SLC26A7: variants seen among roughly 807,000 people sequenced by gnomAD.
The protein encoded by SLC26A7 is solute carrier family 26 member 7.
SLC26A7 carries 59 observed loss-of-function variants against 82.5 expected under a neutral mutation model. The ratio of observed to expected loss-of-function variants is 0.72; its 90% CI spans 0.58 to 0.89. SLC26A7 has a LOEUF of 0.89. SLC26A7 is among the 40% of genes least tolerant of loss of function. The probability of loss-of-function intolerance (pLI) is 0.00; values close to 1 mark genes in which losing one functional copy is unlikely to be tolerated. For missense variants in SLC26A7, 820 were observed against 793.0 expected (o/e 1.03, Z -0.41); for synonymous variants, 271 against 274.3 (o/e 0.99, Z 0.12).
At chr8:91,233,606 A>G (rs1810345082) in intron 2 of SLC26A7, among the ~76,000 whole-genome samples, 1 of 152,014 alleles carries the variant, frequency 6.6e-6, no homozygotes, top group South Asian at 2.1e-4. Context: ...AAGAAAAAGA[A>G]AAAGAAAACG....
chr8:91,356,386 A>C (rs1243017133), intron 11 of SLC26A7, among the ~76,000 whole-genome samples: 1 of 151,540 alleles, frequency 6.6e-6, no homozygotes, highest in Non-Finnish European at 1.5e-5. Flanking sequence ...CCTCTCCAGC[A>C]CCTGTTGTTT....
chr8:91,346,789 C>T (rs1813575310), intron 9 of SLC26A7, among the ~76,000 whole-genome samples: 1 of 152,156 alleles, frequency 6.6e-6, no homozygotes, highest in African/African-American at 2.4e-5. Flanking sequence ...TCCTCTTGGC[C>T]TGTTCTCCAC....
At chr8:91,279,137 A>ATATATATATATATATATATATG (rs1811492810) in intron 2 of SLC26A7, among the ~76,000 whole-genome samples, 2 of 100,390 alleles carry the variant, frequency 2.0e-5, no homozygotes, top group Non-Finnish European at 4.1e-5. Flanking sequence ...ATATATATAT[A>ATATATATATATATATATATATG]TATATATATA....
chr8:91,363,359 T>C (rs1472714660), intron 12 of SLC26A7, 113 bp from the exon 13 acceptor site: 3 of 596,082 alleles, frequency 5.0e-6, no homozygotes, highest in Admixed American at 3.4e-5. Context: ...AGTTATAGGA[T>C]ATAAATCATC....
At chr8:91,359,391 G>A (rs1813982189) in intron 11 of SLC26A7, among the ~76,000 whole-genome samples, 1 of 152,324 alleles carries the variant, frequency 6.6e-6, no homozygotes, top group Non-Finnish European at 1.5e-5. Context: ...TTGGAGGAAG[G>A]ACAGATTCTG....
chr8:91,310,259 A>G lies in SLC26A7; in HGVS notation c.478-7957A>G, dbSNP rs139467147. Among the ~76,000 whole-genome samples, 1,313 of 152,220 alleles carry G rather than the reference A, an allele frequency of 8.6e-3. 10 individuals carry two copies. Among genetic ancestry groups the G allele is most frequent in the South Asian group, 0.028 (136 of 4,810 alleles). ...CCGCCAACAGGCGTCAAAGACCCCA[A>G]TTTTTTTGGAGAAAATGGAGAAAAG... On this transcript the variant is annotated intron_variant, in intron 4 of 18. Transcript: ENST00000276609.
At chr8:91,325,163 T>C (rs1812898893) in intron 5 of SLC26A7, among the ~76,000 whole-genome samples, 1 of 152,198 alleles carries the variant, frequency 6.6e-6, no homozygotes, top group Non-Finnish European at 1.5e-5. Context: ...CTGTGTGGTC[T>C]TAAGCAATTT....
intron 15 of SLC26A7, among the ~76,000 whole-genome samples, chr8:91,372,348 G>T (rs1479158723): frequency 6.6e-6 from 1 of 151,962 alleles, no homozygotes; most frequent in Non-Finnish European, 1.5e-5. Flanking sequence ...TTTTCTTCTA[G>T]AATTTTTATA....
At chr8:91,273,459 C>A (rs549695447) in intron 2 of SLC26A7, among the ~76,000 whole-genome samples, 40 of 152,108 alleles carry the variant, frequency 2.6e-4, no homozygotes, top group Non-Finnish European at 4.3e-4. Flanking sequence ...AAGATATGGT[C>A]TGTGAATATC....
At chr8:91,250,492 T>C (rs1810628809) in intron 2 of SLC26A7, among the ~76,000 whole-genome samples, 1 of 152,136 alleles carries the variant, frequency 6.6e-6, no homozygotes, top group Non-Finnish European at 1.5e-5. Flanking sequence ...ATTCTGGATT[T>C]AGATAGGTGT....
intron 2 of SLC26A7, among the ~76,000 whole-genome samples, chr8:91,275,047 C>T (rs560714504): frequency 3.9e-5 from 6 of 152,178 alleles, no homozygotes; most frequent in East Asian, 1.9e-4. Flanking sequence ...GCATATATTC[C>T]GTCTCTCTTC....
intron 3 of SLC26A7, among the ~76,000 whole-genome samples, chr8:91,293,381 A>T (rs780122511): frequency 6.6e-6 from 1 of 152,254 alleles, no homozygotes; most frequent in Non-Finnish European, 1.5e-5. Context: ...CAAAGAAGAG[A>T]CCTATAAATA....
chr8:91,383,900 C>T (rs1297723865), intron 15 of SLC26A7, among the ~76,000 whole-genome samples: 1 of 152,158 alleles, frequency 6.6e-6, no homozygotes, highest in Non-Finnish European at 1.5e-5. Context: ...TATTGAACAT[C>T]TAATAAATCC....
intron 15 of SLC26A7, among the ~76,000 whole-genome samples, chr8:91,381,756 C>T (rs1318444643): frequency 6.6e-6 from 1 of 152,132 alleles, no homozygotes; most frequent in East Asian, 1.9e-4. Flanking sequence ...TCTTATCTCT[C>T]TCTCTTGTTC....
chr8:91,359,939 TATC>T (rs1322939686), intron 11 of SLC26A7, among the ~76,000 whole-genome samples: 13 of 152,154 alleles, frequency 8.5e-5, no homozygotes, highest in African/African-American at 2.2e-4. Context: ...AAGTTTAAAA[TATC>T]ATGTACATAG....
At chr8:91,219,274 G>A (rs1452142277) in intron 2 of SLC26A7, 1 of 252,454 alleles carries the variant, frequency 4.0e-6, no homozygotes, top group Non-Finnish European at 7.4e-6. Context: ...TTTTCCTGCT[G>A]TTTTATGACT....
chr8:91,274,018 A>G (rs1439808228), intron 2 of SLC26A7, among the ~76,000 whole-genome samples: 1 of 152,166 alleles, frequency 6.6e-6, no homozygotes, highest in Non-Finnish European at 1.5e-5. Flanking sequence ...TTAACTTTGG[A>G]TGTATCACTT....
chr8:91,230,898 C>T lies in SLC26A7; in HGVS notation c.-34+11893C>T, dbSNP rs548390799. On this transcript the variant is annotated intron_variant, in intron 2 of 5. Transcript: ENST00000522862. ...TTTATAAGACTAGTCTGCATGAGTA[C>T]ACTAAATGACAGTTGAGTTTATGGC... is the stretch of plus-strand genomic sequence containing the variant. 9.8e-5 allele frequency among the ~76,000 whole-genome samples: 15 copies of T among 152,286 alleles called. 1 individual carries two copies. Among genetic ancestry groups the T allele is most frequent in the Middle Eastern group, 3.4e-3 (1 of 294 alleles).
intron 4 of SLC26A7, among the ~76,000 whole-genome samples, chr8:91,308,923 GGT>G (rs937958190): frequency 6.6e-6 from 1 of 151,898 alleles, no homozygotes; most frequent in African/African-American, 2.4e-5. Context: ...AGATAATCCA[GGT>G]TCATATTTTA....
Sources: gnomAD v4.1 joint callset for allele counts (sites outside exome capture counted in the v4.1 genomes callset) on GRCh38, gnomAD v4.1.1 for gene constraint, MANE v1.5 for transcripts, NCBI Gene and HGNC (gene_info 2026-07-23, HGNC 2026-07-21) for gene names.